Variants in ZYG11A observed in about 807,000 individuals in gnomAD.
The protein encoded by ZYG11A is zyg-11 family member A, cell cycle regulator.
Under a neutral mutation model 77.2 loss-of-function variants are expected in ZYG11A, and 62 were observed. The observed-to-expected ratio is 0.80, with a 90% CI of 0.65 to 0.99. The LOEUF is 0.99. Ranked by LOEUF, ZYG11A falls within the 50% of genes least tolerant of loss-of-function variation. The pLI, the probability that ZYG11A is intolerant of heterozygous loss-of-function variation, is 0.00. For missense variants in ZYG11A, 828 were observed against 896.8 expected, an observed-to-expected ratio of 0.92 and a Z score of 0.98; for synonymous variants, 315 against 324.6, an observed-to-expected ratio of 0.97 and a Z score of 0.32.
Position 52,892,795 on chromosome 1 carries a change from C to T in ZYG11A, c.2118C>T (p.Cys706=). 1 of 1,551,498 alleles carries T rather than the reference C, an allele frequency of 6.4e-7. No homozygotes were observed. Among genetic ancestry groups the T allele is most frequent in the Non-Finnish European group, 8.7e-7 (1 of 1,146,980 alleles). The change falls in exon 14 of 14, where the codon TGC becomes TGT. Residue 706 remains cysteine (C), a synonymous_variant. Coordinates refer to ENST00000371528, the MANE Select transcript of ZYG11A (RefSeq NM_001004339.3). ...ATTTTCTTTCAGCCAGCAAATACTG[C>T]AAAATGTTAGTTGAAGAAGAAGGAT... The part of the protein sequence containing the change: ...HVCSKNPSKY[C]KMLVEEEGLQ...
At chr1:52,852,951 C>T (rs1645741699) in intron 1 of ZYG11A, among the ~76,000 whole-genome samples, 1 of 152,162 alleles carries the variant, frequency 6.6e-6, no homozygotes, top group Non-Finnish European at 1.5e-5. Flanking sequence ...TCACTGTAAA[C>T]ATACACAGTT....
chr1:52,867,431 C>A, intron 6 of ZYG11A, 108 bp from the exon 7 acceptor site: 1 of 758,508 alleles, frequency 1.3e-6, no homozygotes, highest in Non-Finnish European at 2.2e-6. Flanking sequence ...TTTAAAAGTC[C>A]AAGACTGTTT....
At chr1:52,848,877 ATAAAAT>A (rs1221050687) in intron 1 of ZYG11A, among the ~76,000 whole-genome samples, 3 of 152,278 alleles carry the variant, frequency 2.0e-5, no homozygotes, top group East Asian at 1.9e-4. Flanking sequence ...AAAAATAAAA[ATAAAAT>A]TAAAAGTAAA....
At chr1:52,865,208 TG>T (rs1452702115) in intron 5 of ZYG11A, among the ~76,000 whole-genome samples, 1 of 152,104 alleles carries the variant, frequency 6.6e-6, no homozygotes, top group East Asian at 1.9e-4. Context: ...CCCAAAGTGC[TG>T]GGATTACAGG....
chr1:52,871,588 C>T (rs1646167331), intron 8 of ZYG11A, among the ~76,000 whole-genome samples: 1 of 151,870 alleles, frequency 6.6e-6, no homozygotes, highest in African/African-American at 2.4e-5. Flanking sequence ...CCTCTGTCTC[C>T]CGGGTTCAAG....
intron 11 of ZYG11A, among the ~76,000 whole-genome samples, chr1:52,883,698 A>C (rs1646399261): frequency 6.6e-6 from 1 of 152,108 alleles, no homozygotes; most frequent in African/African-American, 2.4e-5. Flanking sequence ...AAGTGCTGGG[A>C]TTACATGCAT....
intron 5 of ZYG11A, 125 bp downstream of exon 5, chr1:52,864,282 G>C (rs1645982426): frequency 9.9e-7 from 1 of 1,012,118 alleles, no homozygotes; most frequent in East Asian, 2.6e-5. Flanking sequence ...GTCTCTCTCT[G>C]TCGCCCAGGC....
chr1:52,843,038 C>T, intron 1 of ZYG11A, 65 bp downstream of exon 1: 1 of 1,408,714 alleles, frequency 7.1e-7, no homozygotes, highest in Admixed American at 2.6e-5. Context: ...GCGAGCGCGG[C>T]GAGTCTCCTG....
intron 8 of ZYG11A, among the ~76,000 whole-genome samples, chr1:52,869,759 G>A (rs1419580548): frequency 4.6e-5 from 7 of 151,846 alleles, no homozygotes; most frequent in Admixed American, 6.5e-5. Context: ...GAGCTGTTGG[G>A]TACACCTCCC....
chr1:52,883,623 C>T (rs1241051709), intron 11 of ZYG11A, among the ~76,000 whole-genome samples: 5 of 151,858 alleles, frequency 3.3e-5, no homozygotes, highest in African/African-American at 1.2e-4. Flanking sequence ...GACAGGGTTT[C>T]ACCATGTTGG....
chr1:52,866,692 T>A (rs1571857838), intron 6 of ZYG11A, 125 bp downstream of exon 6: 1 of 569,276 alleles, frequency 1.8e-6, no homozygotes, highest in East Asian at 3.1e-5. Flanking sequence ...CACAGAGAAG[T>A]GATTAGAAGT....
At chr1:52,878,973 A>AAC (rs1646313496) in intron 10 of ZYG11A, among the ~76,000 whole-genome samples, 9 of 64,424 alleles carry the variant, frequency 1.4e-4, no homozygotes, top group Non-Finnish European at 4.2e-4. Context: ...AAAAAAAAAA[A>AAC]AACAAACCAA....
At chr1:52,877,519 A>T (rs1462620025) in intron 8 of ZYG11A, among the ~76,000 whole-genome samples, 163 bp from the exon 9 acceptor site, 1 of 152,244 alleles carries the variant, frequency 6.6e-6, no homozygotes, top group Non-Finnish European at 1.5e-5. Context: ...TGTAAGAAGT[A>T]GTTGTAATTT....
rs1646572394 is a variant in ZYG11A, at chr1:52,893,024, A to G, written c.*67A>G. On this transcript the variant is annotated 3_prime_UTR_variant, in exon 14 of 14. Transcript: ENST00000371528. ...GGTGTTCTGCCCTGGCAGTAATTGCACATCAGTTGTCATTGGAGTTTGTGA... is the reference window on the plus strand; with the variant it reads ...GGTGTTCTGCCCTGGCAGTAATTGCGCATCAGTTGTCATTGGAGTTTGTGA... 7.2e-6 allele frequency: 10 copies of G among 1,387,650 alleles called. No individual in the cohort carries two copies. In the East Asian group the frequency reaches 1.3e-4, roughly 17 times the overall value. 86.0% of individuals were successfully genotyped at this position (1,387,650 alleles called of 1,614,324 possible).
intron 4 of ZYG11A, among the ~76,000 whole-genome samples, chr1:52,862,070 G>C (rs1179244432): frequency 6.6e-6 from 1 of 151,622 alleles, no homozygotes. Flanking sequence ...TTAGCCAGGC[G>C]TGGTGGCAGG....
chr1:52,878,042 A>G (rs1239305798), intron 10 of ZYG11A, 73 bp downstream of exon 10: 2 of 1,282,646 alleles, frequency 1.6e-6, no homozygotes, highest in Non-Finnish European at 2.2e-6. Flanking sequence ...TACCTACTAT[A>G]TGCTAGGCAG....
At chr1:52,889,857 G>T (rs1646510281) in intron 13 of ZYG11A, among the ~76,000 whole-genome samples, 1 of 151,318 alleles carries the variant, frequency 6.6e-6, no homozygotes, top group African/African-American at 2.4e-5. Flanking sequence ...GACTACAGGC[G>T]CCCGCCACCA....
chr1:52,877,618 C>T (rs1646284110), intron 8 of ZYG11A, 64 bp from the exon 9 acceptor site: 3 of 1,409,454 alleles, frequency 2.1e-6, no homozygotes, highest in Non-Finnish European at 2.9e-6. Context: ...ACATTGCTTT[C>T]CTTATACCGC....
intron 5 of ZYG11A, among the ~76,000 whole-genome samples, chr1:52,866,110 T>A (rs983515217): frequency 6.6e-6 from 1 of 151,986 alleles, no homozygotes; most frequent in African/African-American, 2.4e-5. Flanking sequence ...GCTAATTTTT[T>A]GTATTTTTAG....
Sources: gnomAD v4.1 joint callset for allele counts (sites outside exome capture counted in the v4.1 genomes callset) on GRCh38, gnomAD v4.1.1 for gene constraint, MANE v1.5 for transcripts, NCBI Gene and HGNC (gene_info 2026-07-23, HGNC 2026-07-21) for gene names.